NINJ2: variants seen among roughly 807,000 people sequenced by gnomAD.
NINJ2 encodes the protein ninjurin 2.
A neutral mutation model predicts 11.7 loss-of-function variants in NINJ2; 12 were observed. That is an observed-to-expected ratio of 1.02 (90% CI 0.66 to 1.66). The LOEUF (loss-of-function observed/expected upper bound fraction) is 1.66. Among genes scored for constraint, NINJ2 ranks in the 40% most tolerant of loss-of-function variants. The pLI is 0.00. For missense variants in NINJ2, 187 were observed against 181.8 expected, an observed-to-expected ratio of 1.03 and a Z score of -0.16; for synonymous variants, 93 against 76.8, an observed-to-expected ratio of 1.21 and a Z score of -1.10.
chr12:577,088 C>A (rs967080547), intron 1 of NINJ2, among the ~76,000 whole-genome samples: 2 of 152,130 alleles, frequency 1.3e-5, no homozygotes, highest in Non-Finnish European at 2.9e-5. Flanking sequence ...TACAGATGGT[C>A]CCCAGCTTTC....
chr12:649,092 G>A (rs952805758), intron 1 of NINJ2, among the ~76,000 whole-genome samples: 3 of 151,158 alleles, frequency 2.0e-5, no homozygotes, highest in Admixed American at 2.0e-4. Context: ...TGTCGCCCAG[G>A]CTGGACTGCA....
At chr12:616,280 G>C (rs1157648962) in intron 1 of NINJ2, among the ~76,000 whole-genome samples, 1 of 152,204 alleles carries the variant, frequency 6.6e-6, no homozygotes, top group Non-Finnish European at 1.5e-5. Context: ...CCTTACCATT[G>C]GGATAAACTG....
intron 1 of NINJ2, among the ~76,000 whole-genome samples, chr12:638,445 T>G (rs970291989): frequency 9.9e-5 from 15 of 152,140 alleles, no homozygotes; most frequent in African/African-American, 3.6e-4. Context: ...AGACGGAGTC[T>G]CGCTCTGTCA....
At chr12:636,182 G>A (rs745940643) in intron 1 of NINJ2, among the ~76,000 whole-genome samples, 11 of 151,868 alleles carry the variant, frequency 7.2e-5, no homozygotes, top group Non-Finnish European at 1.3e-4. Context: ...TTCGAGGCCA[G>A]CCTGACCAAC....
At chr12:663,073 A>C (rs539456724) in intron 1 of NINJ2, among the ~76,000 whole-genome samples, 3 of 152,228 alleles carry the variant, frequency 2.0e-5, no homozygotes, top group Non-Finnish European at 4.4e-5. Flanking sequence ...TCTTTGACTG[A>C]CAAGAGGAAG....
intron 1 of NINJ2, among the ~76,000 whole-genome samples, chr12:594,128 A>G (rs12370658): frequency 0.041 from 6,240 of 152,306 alleles, 198 homozygotes; most frequent in Middle Eastern, 0.11. Flanking sequence ...CAGATTGGGA[A>G]GAAAGAAACA....
At position 600,643 on chromosome 12, in the gene NINJ2, AT is replaced by A. The variant is rs1384075233; in HGVS notation, c.34-34466del. ...GACGGATGGCAAGGCGGGTGGCAGA[AT>A]TTTTTTGGGGTGTGTGTGTGTGTGT... On this transcript the variant is annotated intron_variant, in intron 1 of 3. Coordinates refer to ENST00000305108, the MANE Select transcript of NINJ2 (RefSeq NM_016533.6). 4.8e-5 allele frequency among the ~76,000 whole-genome samples: 7 copies of A among 146,174 alleles called. 1 individual carries two copies. The highest frequency in any genetic ancestry group is 1.4e-4 in the Admixed American group (2 of 14,426).
At chr12:595,016 C>T (rs1445342031) in intron 1 of NINJ2, among the ~76,000 whole-genome samples, 1 of 152,026 alleles carries the variant, frequency 6.6e-6, no homozygotes, top group African/African-American at 2.4e-5. Context: ...ATATAGAGTC[C>T]AGAAATAGAC....
At chr12:586,999 C>G (rs1947647417) in intron 1 of NINJ2, among the ~76,000 whole-genome samples, 1 of 152,316 alleles carries the variant, frequency 6.6e-6, no homozygotes, top group South Asian at 2.1e-4. Context: ...ATGGTAGAAC[C>G]CCTGCCAGTG....
At chr12:656,706 G>A (rs1214038669) in intron 1 of NINJ2, among the ~76,000 whole-genome samples, 3 of 150,648 alleles carry the variant, frequency 2.0e-5, no homozygotes, top group Non-Finnish European at 2.9e-5. Flanking sequence ...CCGAGATTGC[G>A]CCACTGCACT....
chr12:565,815 G>A, intron 2 of NINJ2, 135 bp downstream of exon 2: 1 of 796,360 alleles, frequency 1.3e-6, no homozygotes, highest in Non-Finnish European at 2.2e-6. Context: ...TCTGTTAGCG[G>A]AGGGCTCACT....
intron 1 of NINJ2, among the ~76,000 whole-genome samples, chr12:582,332 C>A (rs2535430): frequency 9.2e-6 from 1 of 108,702 alleles, no homozygotes. Flanking sequence ...AATGAATGGA[C>A]GCAGGCAGGC....
In NINJ2 at chr12:572,091, C is replaced by T. The variant is rs79021866; in HGVS notation, c.34-5913G>A. Reference sequence around the variant, plus strand: ...AGCAATCCGGGCCGGGAGCACTGGACGCCTTTTCTTATCATCTGCGAGGTC... The same window carrying T: ...AGCAATCCGGGCCGGGAGCACTGGATGCCTTTTCTTATCATCTGCGAGGTC... On this transcript the variant is annotated intron_variant, in intron 1 of 3. Coordinates refer to ENST00000305108, the MANE Select transcript of NINJ2 (RefSeq NM_016533.6). Among the ~76,000 whole-genome samples, 1,594 of 152,344 alleles carry T rather than the reference C, an allele frequency of 0.01. 39 individuals carry two copies. In the East Asian group the frequency reaches 0.11, roughly 10 times the overall value.
intron 1 of NINJ2, among the ~76,000 whole-genome samples, chr12:569,573 C>T (rs562776430): frequency 7.2e-5 from 11 of 152,256 alleles, no homozygotes; most frequent in Middle Eastern, 6.8e-3. Flanking sequence ...CCAAATGTAT[C>T]GTTAACAGTG....
At chr12:603,896 A>T (rs1349561269) in intron 1 of NINJ2, among the ~76,000 whole-genome samples, 1 of 152,128 alleles carries the variant, frequency 6.6e-6, no homozygotes, top group Non-Finnish European at 1.5e-5. Context: ...CCTGACCTCA[A>T]GTGATCTGCC....
intron 1 of NINJ2, among the ~76,000 whole-genome samples, chr12:618,749 T>G (rs1267173376): frequency 6.6e-6 from 1 of 152,192 alleles, no homozygotes; most frequent in African/African-American, 2.4e-5. Context: ...AAGGAGGCTC[T>G]TGGCCTCCCA....
intron 1 of NINJ2, among the ~76,000 whole-genome samples, chr12:637,442 C>T (rs1257828228): frequency 6.6e-6 from 1 of 151,698 alleles, no homozygotes; most frequent in Non-Finnish European, 1.5e-5. Context: ...GAGTTCACAA[C>T]CAGCCTGGCC....
At chr12:625,121 G>GATAT (rs35114418) in intron 1 of NINJ2, among the ~76,000 whole-genome samples, 1 of 130,678 alleles carries the variant, frequency 7.7e-6, no homozygotes, top group South Asian at 2.4e-4. Context: ...AAAAAAAAAA[G>GATAT]ATATATATAT....
intron 1 of NINJ2, among the ~76,000 whole-genome samples, chr12:662,688 A>G (rs1937973664): frequency 6.6e-6 from 1 of 152,114 alleles, no homozygotes; most frequent in Admixed American, 6.6e-5. Context: ...CTCTCCTCTC[A>G]CCGTAACATC....
Sources: gnomAD v4.1 joint callset for allele counts (sites outside exome capture counted in the v4.1 genomes callset) on GRCh38, gnomAD v4.1.1 for gene constraint, MANE v1.5 for transcripts, NCBI Gene and HGNC (gene_info 2026-07-23, HGNC 2026-07-21) for gene names.